ADAMTS19: variants seen among roughly 807,000 people sequenced by gnomAD.
ADAMTS19 encodes ADAM metallopeptidase with thrombospondin type 1 motif 19.
A neutral mutation model predicts 153.3 loss-of-function variants in ADAMTS19; 93 were observed. The ratio of observed to expected loss-of-function variants is 0.61; its 90% CI spans 0.51 to 0.72. The LOEUF is 0.72. Ranked by LOEUF, ADAMTS19 falls within the 30% of genes least tolerant of loss-of-function variation. ADAMTS19 has a pLI of 0.00. For synonymous variants in ADAMTS19, 600 were observed against 556.6 expected (o/e 1.08, Z -1.10); for missense variants, 1,482 against 1,552.1 (o/e 0.95, Z 0.76).
chr5:129,474,548 A>G (rs1750164774), intron 2 of ADAMTS19, among the ~76,000 whole-genome samples: 1 of 152,156 alleles, frequency 6.6e-6, no homozygotes, highest in Non-Finnish European at 1.5e-5. Context: ...GTTTCTCAAC[A>G]TCCTCAACAA....
chr5:129,522,299 GTATATATA>G (rs1182437821), intron 3 of ADAMTS19, among the ~76,000 whole-genome samples: 13 of 97,710 alleles, frequency 1.3e-4, no homozygotes, highest in Admixed American at 2.3e-4. Context: ...GTGTGTGTGT[GTATATATA>G]TATATATATA....
At chr5:129,472,961 A>G (rs1347254271) in intron 2 of ADAMTS19, among the ~76,000 whole-genome samples, 2 of 151,888 alleles carry the variant, frequency 1.3e-5, no homozygotes, top group Admixed American at 6.6e-5. Context: ...GATATTAGAA[A>G]ATCAGTGGTG....
rs1248362605 is a variant in ADAMTS19, at chr5:129,684,252, T to C, written c.2797T>C (p.Cys933Arg). The stretch of plus-strand genomic sequence containing the variant: ...GTGGACACACACAAGCTGGGAAGAT[T>C]GCGATGCCACTTGTGGAGGAGGTGA... ...FMWTHTSWED[C>R]DATCGGGERK... The change falls in exon 18 of 23, where the codon TGC becomes CGC. Residue 933 changes from cysteine (C) to arginine (R), a missense_variant. Physicochemically the swap from Cys to Arg is radical, Grantham distance 180 (BLOSUM62 -3). This residue lies in a region of ADAMTS19 where 616 missense variants were observed against 724.4 expected (regional missense o/e 0.85). Coordinates refer to ENST00000274487, the MANE Select transcript of ADAMTS19 (RefSeq NM_133638.6). 6.2e-7 allele frequency: 1 copy of C among 1,614,084 alleles called. No homozygotes were observed. Among genetic ancestry groups the C allele is most frequent in the Non-Finnish European group, 8.5e-7 (1 of 1,179,998 alleles).
chr5:129,528,088 T>G (rs1265252207), intron 5 of ADAMTS19, among the ~76,000 whole-genome samples: 2 of 151,968 alleles, frequency 1.3e-5, no homozygotes, highest in African/African-American at 4.8e-5. Flanking sequence ...TCATTTTAAG[T>G]GACAGTTTTA....
At chr5:129,584,502 C>A (rs556046417) in intron 7 of ADAMTS19, among the ~76,000 whole-genome samples, 1 of 152,162 alleles carries the variant, frequency 6.6e-6, no homozygotes, top group African/African-American at 2.4e-5. Context: ...CACAGCCGCC[C>A]CTTCACCCAG....
At chr5:129,475,539 ATTG>A (rs1237459693) in intron 2 of ADAMTS19, among the ~76,000 whole-genome samples, 2 of 152,160 alleles carry the variant, frequency 1.3e-5, no homozygotes, top group African/African-American at 4.8e-5. Flanking sequence ...TCTTTTCAAA[ATTG>A]TTGTGGCCTG....
intron 2 of ADAMTS19, among the ~76,000 whole-genome samples, chr5:129,479,838 C>A (rs1269457261): frequency 6.6e-6 from 1 of 151,966 alleles, no homozygotes; most frequent in Non-Finnish European, 1.5e-5. Context: ...AATGGAGATA[C>A]ATACAAAGCT....
At chr5:129,658,309 A>AAAAGAAAGAAAGAAAG (rs150048700) in intron 14 of ADAMTS19, among the ~76,000 whole-genome samples, 35 of 113,688 alleles carry the variant, frequency 3.1e-4, no homozygotes, top group East Asian at 5.0e-4. Flanking sequence ...GAAAGAAAGA[A>AAAAGAAAGAAAGAAAG]AAAGAAAGAA....
intron 2 of ADAMTS19, among the ~76,000 whole-genome samples, chr5:129,506,216 T>A (rs148117213): frequency 1.4e-3 from 211 of 152,232 alleles, no homozygotes; most frequent in Non-Finnish European, 2.3e-3. Flanking sequence ...ATGACACATA[T>A]TCATGCTAGG....
intron 2 of ADAMTS19, among the ~76,000 whole-genome samples, chr5:129,491,647 T>A (rs1352054143): frequency 1.3e-5 from 2 of 152,232 alleles, no homozygotes; most frequent in African/African-American, 4.8e-5. Context: ...GACTGTTTTG[T>A]CATGAAACAG....
At chr5:129,576,544 G>T (rs887244343) in intron 7 of ADAMTS19, among the ~76,000 whole-genome samples, 6 of 149,256 alleles carry the variant, frequency 4.0e-5, no homozygotes, top group Non-Finnish European at 8.9e-5. Flanking sequence ...ACTTAAAATT[G>T]TCAATTTGTG....
intron 13 of ADAMTS19, 109 bp from the exon 14 acceptor site, chr5:129,654,197 G>C: frequency 9.7e-7 from 1 of 1,028,226 alleles, no homozygotes; most frequent in Non-Finnish European, 1.4e-6. Context: ...TACTTAATTA[G>C]CATTGAATTA....
At chr5:129,540,306 T>G (rs1196578250) in intron 6 of ADAMTS19, among the ~76,000 whole-genome samples, 1 of 152,020 alleles carries the variant, frequency 6.6e-6, no homozygotes, top group East Asian at 1.9e-4. Flanking sequence ...GGTCATATAT[T>G]TGTCAAATTG....
At chr5:129,531,480 C>G (rs759791800) in intron 6 of ADAMTS19, among the ~76,000 whole-genome samples, 4 of 152,074 alleles carry the variant, frequency 2.6e-5, no homozygotes, top group Non-Finnish European at 5.9e-5. Context: ...CAAAAATTAG[C>G]TGGGCATGGT....
chr5:129,585,355 G>A (rs1481005765), intron 7 of ADAMTS19, among the ~76,000 whole-genome samples: 3 of 151,814 alleles, frequency 2.0e-5, no homozygotes, highest in South Asian at 4.2e-4. Flanking sequence ...CATCTTGCCA[G>A]CAACCCTCCA....
intron 19 of ADAMTS19, among the ~76,000 whole-genome samples, chr5:129,697,412 C>T (rs1448112650): frequency 6.6e-6 from 1 of 152,158 alleles, no homozygotes; most frequent in Non-Finnish European, 1.5e-5. Flanking sequence ...ATCAACTTTT[C>T]CTGTCTTTTG....
chr5:129,472,287 T>C (rs1750093800), intron 2 of ADAMTS19, among the ~76,000 whole-genome samples: 1 of 152,206 alleles, frequency 6.6e-6, no homozygotes, highest in African/African-American at 2.4e-5. Context: ...AGCTAAAATT[T>C]GAGGGCAGCC....
intron 7 of ADAMTS19, among the ~76,000 whole-genome samples, chr5:129,591,276 G>T (rs920986583): frequency 6.6e-6 from 1 of 151,304 alleles, no homozygotes; most frequent in Non-Finnish European, 1.5e-5. Context: ...ATTTTAAAAT[G>T]AGCATTTTAA....
At chr5:129,679,641 C>A in intron 16 of ADAMTS19, 123 bp from the exon 17 acceptor site, 1 of 902,576 alleles carries the variant, frequency 1.1e-6, no homozygotes. Flanking sequence ...AGTTTTACAT[C>A]AGGGAATGTT....
Sources: allele counts gnomAD v4.1 joint callset (sites outside exome capture counted in the v4.1 genomes callset), GRCh38; gene constraint gnomAD v4.1.1; regional missense constraint gnomAD v4.1.1; transcripts MANE v1.5; gene names NCBI Gene and HGNC (gene_info 2026-07-23, HGNC 2026-07-21).